The following CRACDL variants were observed in gnomAD, a reference collection of about 807,000 sequenced individuals.
The protein encoded by CRACDL is CRACD like.
Under a neutral mutation model 70.6 loss-of-function variants are expected in CRACDL, and 26 were observed. That is an observed-to-expected ratio of 0.37 (90% CI 0.27 to 0.51). The LOEUF (loss-of-function observed/expected upper bound fraction) is 0.51, where lower values mean the gene tolerates loss of function less well. Ranked by LOEUF, CRACDL falls within the 20% of genes least tolerant of loss-of-function variation. CRACDL has a pLI of 0.94. For synonymous variants in CRACDL, 618 were observed against 615.2 expected (o/e 1.00, Z -0.07); for missense variants, 1,283 against 1,376.9 (o/e 0.93, Z 1.08).
At chr2:98,819,467 C>T (rs916238986) in intron 7 of CRACDL, among the ~76,000 whole-genome samples, 1 of 152,184 alleles carries the variant, frequency 6.6e-6, no homozygotes, top group Non-Finnish European at 1.5e-5. Context: ...CAGAGTGGAT[C>T]GTCAGTGATG....
intron 7 of CRACDL, among the ~76,000 whole-genome samples, chr2:98,808,493 G>A (rs1170054504): frequency 1.3e-5 from 2 of 152,046 alleles, no homozygotes; most frequent in Admixed American, 1.3e-4. Context: ...CCCTTTCTGG[G>A]GACAACAGTG....
intron 1 of CRACDL, among the ~76,000 whole-genome samples, chr2:98,862,437 G>C (rs1706977770): frequency 6.6e-6 from 1 of 152,126 alleles, no homozygotes; most frequent in African/African-American, 2.4e-5. Flanking sequence ...AAAACCAACA[G>C]AAATGATCTC....
At chr2:98,795,077 A>ATATTTTTTTTTTTTTT in intron 9 of CRACDL, among the ~76,000 whole-genome samples, 39 of 58,484 alleles carry the variant, frequency 6.7e-4, no homozygotes, top group South Asian at 9.8e-4. Context: ...ATATATATAT[A>ATATTTTTTTTTTTTTT]TTTTTTTTTT....
chr2:98,935,721 C>A (rs1216787904), intron 1 of CRACDL, among the ~76,000 whole-genome samples: 1 of 152,194 alleles, frequency 6.6e-6, no homozygotes, highest in African/African-American at 2.4e-5. Context: ...TGGGCACTTG[C>A]ACGAGCGCGT....
intron 2 of CRACDL, among the ~76,000 whole-genome samples, chr2:98,843,165 T>C (rs1428838875): frequency 6.6e-6 from 1 of 152,216 alleles, no homozygotes; most frequent in African/African-American, 2.4e-5. Flanking sequence ...GAGCATTTCT[T>C]CATATGCTTC....
In CRACDL at chr2:98,822,935, G is replaced by A. The variant is rs921225068; in HGVS notation, c.1338C>T (p.Leu446=). ...CTGGGGGCCCCTTCTCCTCATCCGG[G>A]AGCACGGGCGGCGTCGGCTCCGCTT... ...PKEAEPTPPV[L]PDEEKGPPGP... is the part of the protein sequence containing the mutation. Residue 446 remains leucine (L), a synonymous_variant, in exon 7 of 10, where the codon CTC becomes CTT. Coordinates refer to ENST00000397899, the MANE Select transcript of CRACDL (RefSeq NM_207362.3). The surrounding 1 kb of genome is among the most constrained non-coding windows in gnomAD (Gnocchi z 4.9). 3.4e-6 allele frequency: 5 copies of A among 1,463,240 alleles called. No homozygotes were observed. The highest frequency in any genetic ancestry group is 1.4e-5 in the South Asian group (1 of 72,328). The allele number at this position is 1,463,240 out of a possible 1,614,324, so 90.6% of individuals were successfully genotyped here. A position where few individuals can be genotyped will look rare whatever the true frequency, so the allele number is the denominator to read the frequency against.
intron 1 of CRACDL, among the ~76,000 whole-genome samples, chr2:98,901,712 TAG>T (rs1206680009): frequency 6.6e-6 from 1 of 152,218 alleles, no homozygotes; most frequent in Non-Finnish European, 1.5e-5. Flanking sequence ...GCCTCTTTGT[TAG>T]AGTCTGGAAT....
At chr2:98,928,184 A>T (rs1708980451) in intron 1 of CRACDL, among the ~76,000 whole-genome samples, 3 of 152,178 alleles carry the variant, frequency 2.0e-5, no homozygotes, top group South Asian at 2.1e-4. Flanking sequence ...GACTCTCAAA[A>T]AAATAAATAA....
At position 98,856,180 on chromosome 2, in the gene CRACDL, G is replaced by A. The variant is rs182245984; in HGVS notation, c.-10-9370C>T. Among the ~76,000 whole-genome samples the A allele has an allele frequency of 2.0e-5, 3 of 152,292 alleles. No homozygotes were observed. In the East Asian group the frequency reaches 5.8e-4, roughly 29 times the overall value. The stretch of plus-strand genomic sequence containing the variant: ...CTGCTCACAGACACAGAGTGAAAAT[G>A]TGAAAGCTAAAGATAAGGAGAAAAA... On this transcript the variant is annotated intron_variant, in intron 1 of 9. Transcript: ENST00000397899.
At chr2:98,910,568 T>TAAATAAA (rs1401180798) in intron 1 of CRACDL, among the ~76,000 whole-genome samples, 3 of 128,316 alleles carry the variant, frequency 2.3e-5, no homozygotes, top group Non-Finnish European at 5.2e-5. Flanking sequence ...AAATAAATAA[T>TAAATAAA]GCTCCTTGTT....
intron 6 of CRACDL, among the ~76,000 whole-genome samples, chr2:98,825,387 T>A (rs767679186): frequency 2.0e-5 from 3 of 152,148 alleles, no homozygotes; most frequent in Non-Finnish European, 4.4e-5. Flanking sequence ...TTCTACAAAG[T>A]GGGATTCAAG....
intron 1 of CRACDL, among the ~76,000 whole-genome samples, chr2:98,882,837 G>A (rs2104619119): frequency 6.6e-6 from 1 of 152,332 alleles, no homozygotes; most frequent in African/African-American, 2.4e-5. Context: ...TTCAGTGACA[G>A]CCAGGACAGG....
chr2:98,844,001 T>C (rs1038744216), intron 2 of CRACDL, among the ~76,000 whole-genome samples: 6 of 152,182 alleles, frequency 3.9e-5, no homozygotes, highest in Non-Finnish European at 5.9e-5. Context: ...TTCACCTCTA[T>C]GGACTTGGCT....
intron 1 of CRACDL, among the ~76,000 whole-genome samples, chr2:98,917,541 T>C (rs1167657182): frequency 6.6e-6 from 1 of 152,196 alleles, no homozygotes; most frequent in Non-Finnish European, 1.5e-5. Context: ...GTCAATTTAA[T>C]AGCAAAAAAT....
chr2:98,817,319 T>A (rs11123754), intron 7 of CRACDL, among the ~76,000 whole-genome samples: 43,816 of 152,058 alleles, frequency 0.29, 6,581 homozygotes, highest in Middle Eastern at 0.33. Flanking sequence ...TACTGCATTG[T>A]ACATTTTAAA....
intron 1 of CRACDL, among the ~76,000 whole-genome samples, chr2:98,877,912 T>G (rs1029231954): frequency 6.6e-6 from 1 of 152,130 alleles, no homozygotes; most frequent in African/African-American, 2.4e-5. Context: ...CAAGCTCCAT[T>G]CATAGTAAGG....
chr2:98,821,591 T>TA (rs958212904), intron 7 of CRACDL, among the ~76,000 whole-genome samples: 1 of 151,788 alleles, frequency 6.6e-6, no homozygotes, highest in Non-Finnish European at 1.5e-5. Context: ...CTGATGAGCT[T>TA]AAAAAAAAAT....
chr2:98,884,790 A>G (rs1707759143), intron 1 of CRACDL, among the ~76,000 whole-genome samples: 1 of 152,138 alleles, frequency 6.6e-6, no homozygotes, highest in South Asian at 2.1e-4. Context: ...CAACCTGCCA[A>G]CGCCTTCATC....
chr2:98,850,463 G>A (rs1706437398), intron 1 of CRACDL, among the ~76,000 whole-genome samples: 1 of 152,196 alleles, frequency 6.6e-6, no homozygotes, highest in Non-Finnish European at 1.5e-5. Flanking sequence ...AGGCAATGTG[G>A]CAAATACCCA....
Sources: allele counts gnomAD v4.1 joint callset (sites outside exome capture counted in the v4.1 genomes callset), GRCh38; gene constraint gnomAD v4.1.1; non-coding constraint Gnocchi (gnomAD v3.1); transcripts MANE v1.5; gene names NCBI Gene and HGNC (gene_info 2026-07-23, HGNC 2026-07-21).